The following WWOX variants were observed in gnomAD, a reference collection of about 807,000 sequenced individuals.
The protein encoded by WWOX is WW domain containing oxidoreductase, also known as WW domain-containing oxidoreductase.
Under a neutral mutation model 46.2 loss-of-function variants are expected in WWOX, and 69 were observed. The ratio of observed to expected loss-of-function variants is 1.49; its 90% CI spans 1.23 to 1.82. WWOX has a LOEUF of 1.82. Among genes scored for constraint, WWOX ranks in the 40% most tolerant of loss-of-function variants. The probability of loss-of-function intolerance (pLI) is 0.00; values close to 1 mark genes in which losing one functional copy is unlikely to be tolerated. For synonymous variants in WWOX, 359 were observed against 202.6 expected, an observed-to-expected ratio of 1.77 and a Z score of -6.56; for missense variants, 919 against 542.6, an observed-to-expected ratio of 1.69 and a Z score of -6.89.
chr16:78,928,471 G>A (rs1000697138), intron 8 of WWOX, among the ~76,000 whole-genome samples: 2 of 152,030 alleles, frequency 1.3e-5, no homozygotes, highest in Admixed American at 6.5e-5. Context: ...CAAAGTGCTG[G>A]GATTACAGGC....
chr16:78,283,748 G>A (rs2079722704), intron 5 of WWOX, among the ~76,000 whole-genome samples: 1 of 151,806 alleles, frequency 6.6e-6, no homozygotes, highest in South Asian at 2.1e-4. Context: ...CCCAAACAAT[G>A]GTTACATAGT....
At chr16:78,980,050 C>A (rs1018808390) in intron 8 of WWOX, among the ~76,000 whole-genome samples, 5 of 152,182 alleles carry the variant, frequency 3.3e-5, no homozygotes, top group African/African-American at 9.7e-5. Context: ...ATCACTTGAA[C>A]TCAGAAGGCC....
intron 5 of WWOX, among the ~76,000 whole-genome samples, chr16:78,205,883 C>T (rs1466726604): frequency 6.6e-6 from 1 of 151,488 alleles, no homozygotes; most frequent in East Asian, 1.9e-4. Flanking sequence ...CTCCCTTCCT[C>T]CCATCCTCCC....
At chr16:78,221,482 G>T (rs767243195) in intron 5 of WWOX, among the ~76,000 whole-genome samples, 21 of 147,596 alleles carry the variant, frequency 1.4e-4, no homozygotes, top group Non-Finnish European at 2.5e-4. Context: ...GGTGGACTCT[G>T]TGGGTAGAGA....
At chr16:78,803,748 C>T (rs2050956203) in intron 8 of WWOX, among the ~76,000 whole-genome samples, 3 of 152,100 alleles carry the variant, frequency 2.0e-5, no homozygotes, top group Non-Finnish European at 2.9e-5. Context: ...CATGACCCAT[C>T]GTGTCCAGCC....
rs2042438 is a variant in WWOX at position 79,090,488 on chromosome 16, T to G, written c.1057-121120T>G. On this transcript the variant is annotated intron_variant, in intron 8 of 8. Coordinates refer to ENST00000566780, the MANE Select transcript of WWOX (RefSeq NM_016373.4). ...ATCCCTGCCCTCAGGGAGCTTTCAT[T>G]CTACTTGGGGAAAGAGACGTGAAAG... 6.6e-3 allele frequency among the ~76,000 whole-genome samples: 1,010 copies of G among 152,208 alleles called. 13 individuals are homozygous for G. The highest frequency in any genetic ancestry group is 0.023 in the African/African-American group (949 of 41,532).
intron 5 of WWOX, among the ~76,000 whole-genome samples, chr16:78,327,769 G>A (rs1428838794): frequency 6.6e-6 from 1 of 151,764 alleles, no homozygotes; most frequent in Non-Finnish European, 1.5e-5. Context: ...TTAGTCTACA[G>A]TGGTTCTTTG....
At chr16:78,627,441 G>C (rs1258709441) in intron 8 of WWOX, among the ~76,000 whole-genome samples, 1 of 152,168 alleles carries the variant, frequency 6.6e-6, no homozygotes, top group Non-Finnish European at 1.5e-5. Context: ...GTTTTCTGTG[G>C]CTGGTCTCCA....
At chr16:78,169,976 A>T (rs1364277477) in intron 5 of WWOX, among the ~76,000 whole-genome samples, 1 of 152,182 alleles carries the variant, frequency 6.6e-6, no homozygotes, top group Admixed American at 6.5e-5. Context: ...CTGGACATTG[A>T]GATGGCCACA....
At chr16:78,900,927 T>G (rs903346526) in intron 8 of WWOX, among the ~76,000 whole-genome samples, 4 of 152,160 alleles carry the variant, frequency 2.6e-5, no homozygotes, top group Non-Finnish European at 5.9e-5. Context: ...CTCTTTAATG[T>G]TCTATTCCCA....
intron 8 of WWOX, among the ~76,000 whole-genome samples, chr16:78,604,316 C>T (rs908938921): frequency 6.6e-6 from 1 of 152,126 alleles, no homozygotes; most frequent in Non-Finnish European, 1.5e-5. Flanking sequence ...GTCCTCTTAA[C>T]CCTGACTTCT....
intron 8 of WWOX, among the ~76,000 whole-genome samples, chr16:78,804,784 A>C (rs2050985974): frequency 6.6e-6 from 1 of 152,266 alleles, no homozygotes; most frequent in Non-Finnish European, 1.5e-5. Flanking sequence ...GTGTGCAGAG[A>C]AAATTCACAG....
rs78488009 is a variant in WWOX at position 78,184,796 on chromosome 16, G to A, written c.516+20507G>A. Among the ~76,000 whole-genome samples the A allele has an allele frequency of 2.8e-3, 433 of 152,306 alleles. 2 individuals are homozygous for A. Among genetic ancestry groups the A allele is most frequent in the African/African-American group, 0.01 (418 of 41,570 alleles). On this transcript the variant is annotated intron_variant, in intron 5 of 8. Transcript: ENST00000566780. Reference sequence around the variant, plus strand: ...CCCTCATACTCAGAGAGATGTCTGGGAAAGAATCGTTGATGTCACATGTAC... The same window carrying A: ...CCCTCATACTCAGAGAGATGTCTGGAAAAGAATCGTTGATGTCACATGTAC...
At chr16:78,839,889 A>C (rs1411079558) in intron 8 of WWOX, among the ~76,000 whole-genome samples, 1 of 152,206 alleles carries the variant, frequency 6.6e-6, no homozygotes, top group Non-Finnish European at 1.5e-5. Flanking sequence ...GGAACTAGCG[A>C]AGCCTTCAGG....
intron 8 of WWOX, among the ~76,000 whole-genome samples, chr16:78,716,792 C>T (rs1444667546): frequency 6.6e-6 from 1 of 152,108 alleles, no homozygotes; most frequent in Non-Finnish European, 1.5e-5. Context: ...AGAAACGTGG[C>T]CCAGCATTGT....
rs182401475 is a variant in WWOX at position 78,264,134 on chromosome 16, C to T, written c.516+99845C>T. The stretch of plus-strand genomic sequence containing the variant: ...ATCACTTCTTGAGTCTTGGTCATTA[C>T]GAAGTGACATTTGGCATGAATTTGC... On this transcript the variant is annotated intron_variant, in intron 5 of 8. Coordinates refer to ENST00000566780, the MANE Select transcript of WWOX (RefSeq NM_016373.4). Among the ~76,000 whole-genome samples the T allele has an allele frequency of 3.0e-3, 453 of 150,652 alleles. 5 individuals carry two copies. Among genetic ancestry groups the T allele is most frequent in the South Asian group, 0.029 (137 of 4,728 alleles).
intron 4 of WWOX, among the ~76,000 whole-genome samples, chr16:78,150,096 A>T (rs1326081526): frequency 6.6e-6 from 1 of 152,134 alleles, no homozygotes; most frequent in Non-Finnish European, 1.5e-5. Flanking sequence ...CAAGATTGTC[A>T]AGTGCACTTC....
At chr16:78,888,436 G>A (rs1339464933) in intron 8 of WWOX, among the ~76,000 whole-genome samples, 4 of 152,114 alleles carry the variant, frequency 2.6e-5, no homozygotes, top group Non-Finnish European at 5.9e-5. Flanking sequence ...AGTTGTCTAG[G>A]GATTTAGTTT....
chr16:78,487,191 TTATC>T (rs1341987060), intron 8 of WWOX, among the ~76,000 whole-genome samples: 1 of 152,186 alleles, frequency 6.6e-6, no homozygotes, highest in Non-Finnish European at 1.5e-5. Flanking sequence ...GATAAATAAT[TTATC>T]TTTTTTCTCA....
Sources: gnomAD v4.1 joint callset for allele counts (sites outside exome capture counted in the v4.1 genomes callset) on GRCh38, gnomAD v4.1.1 for gene constraint, MANE v1.5 for transcripts, NCBI Gene and HGNC (gene_info 2026-07-23, HGNC 2026-07-21) for gene names.